Variants in HDHD2 observed in about 807,000 individuals in gnomAD.
The protein encoded by HDHD2 is haloacid dehalogenase like hydrolase domain containing 2.
A neutral mutation model predicts 24.8 loss-of-function variants in HDHD2; 26 were observed. That is an observed-to-expected ratio of 1.05 (90% confidence interval 0.77 to 1.45). The LOEUF (loss-of-function observed/expected upper bound fraction) is 1.45. Among genes scored for constraint, HDHD2 ranks in the 40% most tolerant of loss-of-function variants. HDHD2 has a pLI of 0.00. For missense variants in HDHD2, 299 were observed against 313.4 expected (o/e 0.95, Z 0.35); for synonymous variants, 128 against 114.9 (o/e 1.11, Z -0.73).
chr18:47,127,276 A>G (rs2063667937), intron 4 of HDHD2, among the ~76,000 whole-genome samples: 1 of 152,202 alleles, frequency 6.6e-6, no homozygotes, highest in Admixed American at 6.5e-5. Flanking sequence ...AATATTTAGG[A>G]ACATGACAAA....
intron 1 of HDHD2, among the ~76,000 whole-genome samples, chr18:47,145,252 T>A (rs2063857925): frequency 6.6e-6 from 1 of 152,234 alleles, no homozygotes; most frequent in Admixed American, 6.5e-5. Flanking sequence ...GTCTTGTGAA[T>A]TTGATAAGCT....
At chr18:47,132,294 A>G (rs1270798729) in intron 3 of HDHD2, among the ~76,000 whole-genome samples, 1 of 152,196 alleles carries the variant, frequency 6.6e-6, no homozygotes, top group Non-Finnish European at 1.5e-5. Flanking sequence ...ATTTTCAGCT[A>G]CAAAGCATTC....
intron 4 of HDHD2, 27 bp downstream of exon 4, chr18:47,130,217 A>C (rs1156635784): frequency 7.4e-7 from 1 of 1,350,628 alleles, no homozygotes; most frequent in East Asian, 2.3e-5. Flanking sequence ...TATTATGATC[A>C]GATGAAAAAT....
At chr18:47,138,022 T>A (rs1361606032) in intron 1 of HDHD2, among the ~76,000 whole-genome samples, 1 of 151,366 alleles carries the variant, frequency 6.6e-6, no homozygotes, top group Non-Finnish European at 1.5e-5. Context: ...AAAAATTAGC[T>A]GGGCATGGTG....
intron 3 of HDHD2, among the ~76,000 whole-genome samples, chr18:47,133,059 A>G (rs890109753): frequency 2.0e-5 from 3 of 152,064 alleles, no homozygotes; most frequent in Non-Finnish European, 4.4e-5. Context: ...GGTTTGTTAC[A>G]TATGTATACA....
At chr18:47,137,240 C>T (rs1296851671) in intron 1 of HDHD2, 1 of 590,992 alleles carries the variant, frequency 1.7e-6, no homozygotes, top group South Asian at 1.6e-5. Context: ...CATACCTGCA[C>T]ATTTGGAAAT....
intron 5 of HDHD2, among the ~76,000 whole-genome samples, chr18:47,113,538 T>A (rs1568042977): frequency 6.6e-6 from 1 of 152,182 alleles, no homozygotes; most frequent in Non-Finnish European, 1.5e-5. Flanking sequence ...ACTCTGACTG[T>A]CTGATGTTCA....
rs1011778221 is a variant in HDHD2 at position 47,108,104 on chromosome 18, C to G, written c.*578G>C. 2.6e-5 allele frequency: 4 copies of G among 152,498 alleles called. No individual in the cohort carries two copies. Among genetic ancestry groups the G allele is most frequent in the Non-Finnish European group, 5.9e-5 (4 of 68,012 alleles). 9.4% of individuals were successfully genotyped at this position (152,498 alleles called of 1,614,324 possible). On this transcript the variant is annotated 3_prime_UTR_variant, in exon 7 of 7. Coordinates refer to ENST00000300605, the MANE Select transcript of HDHD2 (RefSeq NM_032124.5). ...GCTAATGAAGAGAAAAAGAAGTCAC[C>G]CGTGCTGGGAATACAGTAGAAAATT...
At chr18:47,144,416 T>C (rs1372472631) in intron 1 of HDHD2, among the ~76,000 whole-genome samples, 1 of 152,136 alleles carries the variant, frequency 6.6e-6, no homozygotes, top group Non-Finnish European at 1.5e-5. Flanking sequence ...CTTTGAAACA[T>C]GGCCCAAAGG....
chr18:47,134,842 T>C lies in HDHD2; in HGVS notation c.102-138A>G. Reference sequence around the variant, plus strand: ...TGTGTAGCCTCTTGCCCCTCCAGAATGGCAGGTTTACAGTTTACATAGCTA... The same window carrying C: ...TGTGTAGCCTCTTGCCCCTCCAGAACGGCAGGTTTACAGTTTACATAGCTA... On this transcript the variant is annotated intron_variant, in intron 2 of 6. Coordinates refer to ENST00000300605, the MANE Select transcript of HDHD2 (RefSeq NM_032124.5). 3 of 666,126 alleles carry C rather than the reference T, an allele frequency of 4.5e-6. No homozygotes were observed. In the South Asian group the frequency reaches 5.7e-5, roughly 13 times the overall value. The allele number at this position is 666,126 out of a possible 1,614,324, so 41.3% of individuals were successfully genotyped here.
Position 47,108,490 on chromosome 18 carries a change from TAA to T in HDHD2, c.*190_*191del, listed in dbSNP as rs1236160926. The T allele has an allele frequency of 4.5e-6, 2 of 445,598 alleles. No individual in the cohort carries two copies. The highest frequency in any genetic ancestry group is 3.6e-5 in the East Asian group (1 of 27,776). 27.6% of individuals were successfully genotyped at this position (445,598 alleles called of 1,614,324 possible). A position where few individuals can be genotyped will look rare whatever the true frequency, so the allele number is the denominator to read the frequency against. On this transcript the variant is annotated 3_prime_UTR_variant, in exon 7 of 7. Transcript: ENST00000300605. ...TTGGGTCTCATCTTCAGTTACAAAATAAAAGAGATTAGCAAGGCTTACTGGCT... is the reference window on the plus strand; with the variant it reads ...TTGGGTCTCATCTTCAGTTACAAAATAAGAGATTAGCAAGGCTTACTGGCT...
At chr18:47,117,946 G>A (rs1049331716) in intron 4 of HDHD2, among the ~76,000 whole-genome samples, 11 of 151,694 alleles carry the variant, frequency 7.3e-5, no homozygotes, top group Non-Finnish European at 1.6e-4. Context: ...ATTGGTTTTT[G>A]GGTTCTGGGT....
chr18:47,120,790 T>G (rs1380677598), intron 4 of HDHD2, among the ~76,000 whole-genome samples: 1 of 152,172 alleles, frequency 6.6e-6, no homozygotes, highest in Non-Finnish European at 1.5e-5. Flanking sequence ...TGGCCTAATC[T>G]GAGCATCATT....
chr18:47,116,105 AAAC>A (rs942417915), intron 4 of HDHD2, among the ~76,000 whole-genome samples: 2 of 152,310 alleles, frequency 1.3e-5, no homozygotes, highest in Non-Finnish European at 2.9e-5. Flanking sequence ...AACTCAGGCA[AAAC>A]AACAAGTCAA....
intron 4 of HDHD2, among the ~76,000 whole-genome samples, chr18:47,119,825 C>T (rs1313418462): frequency 6.6e-6 from 1 of 151,764 alleles, no homozygotes; most frequent in Non-Finnish European, 1.5e-5. Flanking sequence ...AATAGTAAGA[C>T]TTGAAAGTCA....
intron 4 of HDHD2, among the ~76,000 whole-genome samples, chr18:47,123,520 G>C (rs2063627032): frequency 6.6e-6 from 1 of 152,158 alleles, no homozygotes; most frequent in South Asian, 2.1e-4. Flanking sequence ...CTGGGAGGCA[G>C]AGGTTACAGT....
intron 1 of HDHD2, among the ~76,000 whole-genome samples, chr18:47,139,565 A>G (rs1456197531): frequency 2.0e-5 from 3 of 152,126 alleles, no homozygotes; most frequent in African/African-American, 4.8e-5. Context: ...TAAACTAATC[A>G]AACCCAAAGT....
At chr18:47,113,087 T>C in intron 5 of HDHD2, 47 bp from the exon 6 acceptor site, 1 of 1,521,484 alleles carries the variant, frequency 6.6e-7, no homozygotes, top group South Asian at 1.1e-5. Context: ...TTCAGTAAGC[T>C]AGCCAACAAA....
In HDHD2 at chr18:47,134,973, G is replaced by A. The variant is rs572136738; in HGVS notation, c.102-269C>T. On this transcript the variant is annotated intron_variant, in intron 2 of 6. Coordinates refer to ENST00000300605, the MANE Select transcript of HDHD2 (RefSeq NM_032124.5). ...AAGCTCTGTCCAACAAGAGCACACT[G>A]ATTAACAGACATCCATTCCCCTATT... Among the ~76,000 whole-genome samples, 19 of 152,270 alleles carry A rather than the reference G, an allele frequency of 1.2e-4. No homozygotes were observed. The South Asian group carries it at 3.5e-3, about 28-fold the overall frequency.
Sources: gnomAD v4.1 joint callset for allele counts (sites outside exome capture counted in the v4.1 genomes callset) on GRCh38, gnomAD v4.1.1 for gene constraint, MANE v1.5 for transcripts, NCBI Gene and HGNC (gene_info 2026-07-23, HGNC 2026-07-21) for gene names.